PCSK1: variants seen among roughly 807,000 people sequenced by gnomAD.
PCSK1 encodes proprotein convertase subtilisin/kexin type 1, also known as neuroendocrine convertase 1.
A neutral mutation model predicts 90.6 loss-of-function variants in PCSK1; 56 were observed. The observed-to-expected ratio is 0.62, with a 90% CI of 0.50 to 0.77. The LOEUF (loss-of-function observed/expected upper bound fraction) is 0.77, where lower values mean the gene tolerates loss of function less well. Among genes scored for constraint, PCSK1 ranks in the 30% least tolerant of loss-of-function variants. The pLI is 0.00. For missense variants in PCSK1, 801 were observed against 932.6 expected (o/e 0.86, Z 1.84); for synonymous variants, 348 against 342.4 (o/e 1.02, Z -0.18).
At chr5:96,423,996 G>A (rs1457229676) in intron 3 of PCSK1, among the ~76,000 whole-genome samples, 1 of 152,196 alleles carries the variant, frequency 6.6e-6, no homozygotes, top group African/African-American at 2.4e-5. Flanking sequence ...TTAAGTATGA[G>A]TGATTTAGGG....
intron 12 of PCSK1, 65 bp downstream of exon 12, chr5:96,397,271 C>T: frequency 1.4e-6 from 2 of 1,433,594 alleles, no homozygotes; most frequent in South Asian, 2.3e-5. Context: ...TGAAATCAAC[C>T]TTAAAAGTGC....
chr5:96,404,165 G>A (rs1760477634), intron 9 of PCSK1, among the ~76,000 whole-genome samples: 1 of 152,114 alleles, frequency 6.6e-6, no homozygotes, highest in African/African-American at 2.4e-5. Flanking sequence ...ACCCTAATGG[G>A]TTTCTACACA....
intron 9 of PCSK1, among the ~76,000 whole-genome samples, chr5:96,400,769 AG>A (rs1760330101): frequency 6.6e-6 from 1 of 152,212 alleles, no homozygotes; most frequent in Non-Finnish European, 1.5e-5. Flanking sequence ...GGGATATTCA[AG>A]GATGTGGTTC....
At chr5:96,401,003 C>T (rs961269194) in intron 9 of PCSK1, among the ~76,000 whole-genome samples, 1 of 133,406 alleles carries the variant, frequency 7.5e-6, no homozygotes, top group Non-Finnish European at 1.5e-5. Flanking sequence ...AGGAGAATGG[C>T]GTGAACCTGG....
chr5:96,419,489 G>C (rs1761053149), intron 5 of PCSK1, among the ~76,000 whole-genome samples: 1 of 149,500 alleles, frequency 6.7e-6, no homozygotes, highest in African/African-American at 2.5e-5. Context: ...ACTCAAGGAA[G>C]TAGAGATTCT....
chr5:96,412,751 T>TG (rs1423715088), intron 6 of PCSK1, among the ~76,000 whole-genome samples: 2 of 120,864 alleles, frequency 1.7e-5, no homozygotes, highest in Admixed American at 9.4e-5. Flanking sequence ...GCAGCTGTGA[T>TG]GTTTTTTTTT....
At chr5:96,415,064 C>T (rs1760897455) in intron 6 of PCSK1, among the ~76,000 whole-genome samples, 1 of 152,132 alleles carries the variant, frequency 6.6e-6, no homozygotes, top group Non-Finnish European at 1.5e-5. Context: ...GAAAACCAAA[C>T]TAAACTTGAA....
At chr5:96,408,890 T>C (rs1318353392) in intron 8 of PCSK1, among the ~76,000 whole-genome samples, 4 of 152,216 alleles carry the variant, frequency 2.6e-5, no homozygotes, top group Non-Finnish European at 5.9e-5. Flanking sequence ...ATTTACACTT[T>C]GAGGAAAACG....
intron 12 of PCSK1, among the ~76,000 whole-genome samples, chr5:96,396,500 G>A (rs1186898206): frequency 2.2e-4 from 33 of 150,764 alleles, no homozygotes; most frequent in Non-Finnish European, 2.9e-4. Flanking sequence ...GGCAGAGGTT[G>A]CAGTGAGCCG....
intron 7 of PCSK1, 109 bp from the exon 8 acceptor site, chr5:96,411,095 A>G: frequency 1.2e-6 from 1 of 836,482 alleles, no homozygotes; most frequent in East Asian, 2.4e-5. Flanking sequence ...AGAGACAGCT[A>G]TTTGGGATCT....
At chr5:96,429,129 C>A in intron 2 of PCSK1, 84 bp downstream of exon 2, 5 of 757,686 alleles carry the variant, frequency 6.6e-6, no homozygotes, top group Admixed American at 2.3e-5. Flanking sequence ...ACCACATTTG[C>A]AAAATGCTTC....
chr5:96,419,308 G>T (rs1185317434), intron 5 of PCSK1, among the ~76,000 whole-genome samples: 2 of 144,598 alleles, frequency 1.4e-5, no homozygotes, highest in Non-Finnish European at 1.5e-5. Flanking sequence ...TATATTAAGT[G>T]AGATATATAT....
rs1760930269 is a variant in PCSK1 at position 96,416,097 on chromosome 5, T to A, written c.645A>T (p.Glu215Asp). 6.2e-7 allele frequency: 1 copy of A among 1,612,432 alleles called. No individual in the cohort carries two copies. The highest frequency in any genetic ancestry group is 2.2e-5 in the East Asian group (1 of 44,862). Residue 215 changes from glutamate (E) to aspartate (D), a missense_variant, in exon 6 of 14, where the codon GAA becomes GAT. Glu to Asp is a conservative substitution (Grantham distance 45). Coordinates refer to ENST00000311106, the MANE Select transcript of PCSK1 (RefSeq NM_000439.5). ...TGTGATTATTTGCTTGCATGGCAAT[T>A]TCTCCTGCACATCTGGTCCCGTGTC... ...ENKHGTRCAGEIAMQANNHKC... is the reference protein window; with the variant it reads ...ENKHGTRCAGDIAMQANNHKC...
rs765282706 is a variant in PCSK1 at position 96,394,854 on chromosome 5, C to G, written c.1884+10G>C. On this transcript the variant is annotated intron_variant, in intron 13 of 13. Coordinates refer to ENST00000311106, the MANE Select transcript of PCSK1 (RefSeq NM_000439.5). ...AAAAGAGAGCATGCCAAGAACAGAG[C>G]CACACAGACCTCCCCTGGATCCACC... The G allele has an allele frequency of 6.2e-7, 1 of 1,613,646 alleles. No individual in the cohort carries two copies. The highest frequency in any genetic ancestry group is 8.5e-7 in the Non-Finnish European group (1 of 1,179,590).
At chr5:96,412,553 C>T in intron 6 of PCSK1, 63 bp from the exon 7 acceptor site, 1 of 1,384,088 alleles carries the variant, frequency 7.2e-7, no homozygotes, top group Non-Finnish European at 1.0e-6. Flanking sequence ...GGACAAAAGC[C>T]CAATACTCTT....
intron 13 of PCSK1, 134 bp from the exon 14 acceptor site, chr5:96,393,512 TG>T: frequency 9.5e-7 from 1 of 1,055,782 alleles, no homozygotes; most frequent in Non-Finnish European, 1.4e-6. Context: ...AGTTCAAGAC[TG>T]GGAGCCACAT....
At chr5:96,422,227 A>G (rs78866554) in intron 4 of PCSK1, among the ~76,000 whole-genome samples, 3,744 of 152,154 alleles carry the variant, frequency 0.025, 150 homozygotes, top group African/African-American at 0.086. Flanking sequence ...GGGATATTGG[A>G]GTTGGAAGGA....
Position 96,393,165 on chromosome 5 carries a change from A to C in PCSK1, c.2098T>G (p.Phe700Val). The part of the protein sequence containing the change: ...SAKLNIPYEN[F>V]YEALEKLNKP... ...TTCAGCTTTTCCAGGGCTTCGTAGA[A>C]GTTTTCATAAGGGATGTTGAGCTTT... is the stretch of plus-strand genomic sequence containing the variant. The change falls in exon 14 of 14, where the codon TTC (phenylalanine) becomes GTC (valine). Residue 700 changes from phenylalanine to valine, a missense_variant. Coordinates refer to ENST00000311106, the MANE Select transcript of PCSK1 (RefSeq NM_000439.5). The C allele has an allele frequency of 6.2e-7, 1 of 1,614,150 alleles. No individual in the cohort carries two copies. Among genetic ancestry groups the C allele is most frequent in the Non-Finnish European group, 8.5e-7 (1 of 1,180,020 alleles).
chr5:96,410,721 T>C (rs1760725557), intron 8 of PCSK1, 53 bp downstream of exon 8: 2 of 1,401,546 alleles, frequency 1.4e-6, no homozygotes, highest in Non-Finnish European at 2.0e-6. Flanking sequence ...TCATTTCACA[T>C]GCATGCCACG....
Sources: allele counts gnomAD v4.1 joint callset (sites outside exome capture counted in the v4.1 genomes callset), GRCh38; gene constraint gnomAD v4.1.1; transcripts MANE v1.5; gene names NCBI Gene and HGNC (gene_info 2026-07-23, HGNC 2026-07-21).